The following APP variants were observed in gnomAD, a reference collection of about 807,000 sequenced individuals.
APP encodes the protein amyloid beta precursor protein, also known as amyloid-beta precursor protein.
APP carries 31 observed loss-of-function variants against 101.4 expected under a neutral mutation model. That is an observed-to-expected ratio of 0.31 (90% confidence interval 0.23 to 0.41). The LOEUF is 0.41. APP is among the 10% of genes least tolerant of loss of function. The pLI is 1.00. For synonymous variants in APP, 366 were observed against 364.4 expected (o/e 1.00, Z -0.05); for missense variants, 839 against 1,003.7 (o/e 0.84, Z 2.22).
At chr21:26,024,298 A>G (rs114351973) in intron 5 of APP, among the ~76,000 whole-genome samples, 3,330 of 152,118 alleles carry the variant, frequency 0.022, 112 homozygotes, top group African/African-American at 0.076. Flanking sequence ...CTGACATTAT[A>G]ATGTACCCAG....
At position 26,000,042 on chromosome 21, in the gene APP, A is replaced by G; in HGVS notation, c.1006T>C (p.Tyr336His). 6.2e-7 allele frequency: 1 copy of G among 1,614,024 alleles called. No homozygotes were observed. The highest frequency in any genetic ancestry group is 1.1e-5 in the South Asian group (1 of 91,080). Residue 336 changes from tyrosine (Y) to histidine (H), a missense_variant, in exon 7 of 18, where the codon TAC becomes CAC. Coordinates refer to ENST00000346798, the MANE Select transcript of APP (RefSeq NM_000484.4). Reference sequence around the variant, plus strand: ...GCGCTGCCACACACGGCCATGCAGTACTCTTCTGTGTCAAAGTTGTTCCGG... The same window carrying G: ...GCGCTGCCACACACGGCCATGCAGTGCTCTTCTGTGTCAAAGTTGTTCCGG... ...GNRNNFDTEE[Y>H]CMAVCGSAMS...
intron 8 of APP, among the ~76,000 whole-genome samples, chr21:25,992,149 G>A (rs2042890380): frequency 1.3e-5 from 2 of 152,196 alleles, no homozygotes; most frequent in South Asian, 2.1e-4. Flanking sequence ...TCGGGAGGCC[G>A]AAGCTGGTGG....
chr21:26,101,348 C>T (rs563705404), intron 2 of APP, among the ~76,000 whole-genome samples: 6 of 152,204 alleles, frequency 3.9e-5, no homozygotes, highest in South Asian at 2.1e-4. Context: ...CAGCCCGACT[C>T]GGCCTCCCAA....
intron 13 of APP, among the ~76,000 whole-genome samples, chr21:25,951,240 C>T (rs1243531107): frequency 6.6e-6 from 1 of 152,218 alleles, no homozygotes; most frequent in African/African-American, 2.4e-5. Context: ...CGATAGCATT[C>T]CTTCTTCTCA....
chr21:26,088,407 A>G (rs2061746922), intron 3 of APP, among the ~76,000 whole-genome samples: 1 of 152,220 alleles, frequency 6.6e-6, no homozygotes, highest in Middle Eastern at 3.2e-3. Flanking sequence ...CAGGAGCAAT[A>G]ATGCCCATCC....
chr21:26,022,408 A>AT lies in APP; in HGVS notation c.663-367dup, dbSNP rs750051344. ...AGAAACTACTCTGCACGATACTGTC[A>AT]TAAGTAATAATAGATACACAGCATT... On this transcript the variant is annotated intron_variant, in intron 5 of 17. Coordinates refer to ENST00000346798, the MANE Select transcript of APP (RefSeq NM_000484.4). Among the ~76,000 whole-genome samples the AT allele has an allele frequency of 9.2e-5, 14 of 152,294 alleles. 1 individual carries two copies. In the Middle Eastern group the frequency reaches 0.024, roughly 259 times the overall value.
At chr21:25,958,395 GTCTCCT>G (rs2041418733) in intron 11 of APP, among the ~76,000 whole-genome samples, 1 of 152,158 alleles carries the variant, frequency 6.6e-6, no homozygotes, top group African/African-American at 2.4e-5. Context: ...TCCTGCCTCA[GTCTCCT>G]GAGTAGCTGG....
At chr21:25,900,999 A>AC (rs1486600938) in intron 15 of APP, among the ~76,000 whole-genome samples, 22 of 146,510 alleles carry the variant, frequency 1.5e-4, no homozygotes, top group African/African-American at 5.7e-4. Flanking sequence ...AAAAAAAAAA[A>AC]AAAAAGAATG....
intron 13 of APP, chr21:25,934,040 G>A (rs943392634): frequency 6.6e-6 from 1 of 152,222 alleles, no homozygotes; most frequent in African/African-American, 2.4e-5. Context: ...TCACAATGGA[G>A]AAGGGTGGGC....
At chr21:25,930,270 A>G (rs2040083553) in intron 13 of APP, among the ~76,000 whole-genome samples, 1 of 152,212 alleles carries the variant, frequency 6.6e-6, no homozygotes, top group Non-Finnish European at 1.5e-5. Context: ...AGAGAAGTCT[A>G]TCTGACCGGG....
chr21:26,103,687 C>G (rs573414286), intron 2 of APP, among the ~76,000 whole-genome samples: 2 of 152,322 alleles, frequency 1.3e-5, no homozygotes, highest in East Asian at 1.9e-4. Context: ...TTATGGGAAG[C>G]TCTCTCAGCA....
intron 6 of APP, among the ~76,000 whole-genome samples, chr21:26,001,359 T>C (rs924593062): frequency 2.0e-5 from 3 of 152,120 alleles, no homozygotes; most frequent in Non-Finnish European, 2.9e-5. Flanking sequence ...ACAGCCCAAT[T>C]CTCTCTCTGG....
intron 13 of APP, among the ~76,000 whole-genome samples, chr21:25,950,979 T>C (rs1031006750): frequency 6.6e-6 from 1 of 152,218 alleles, no homozygotes; most frequent in Admixed American, 6.5e-5. Flanking sequence ...TACACATTGA[T>C]TGCAGGTTCA....
At chr21:26,016,117 GC>G (rs1335108716) in intron 6 of APP, among the ~76,000 whole-genome samples, 1 of 151,886 alleles carries the variant, frequency 6.6e-6, no homozygotes, top group African/African-American at 2.4e-5. Flanking sequence ...TGCAACCTCC[GC>G]ATCCCAGGTC....
At chr21:26,089,071 T>C (rs1278701210) in intron 3 of APP, among the ~76,000 whole-genome samples, 2 of 152,208 alleles carry the variant, frequency 1.3e-5, no homozygotes, top group Non-Finnish European at 1.5e-5. Flanking sequence ...TTTTAACCTT[T>C]ATAAGAAGTC....
At chr21:25,921,498 A>C (rs1481030200) in intron 13 of APP, among the ~76,000 whole-genome samples, 1 of 149,418 alleles carries the variant, frequency 6.7e-6, no homozygotes, top group African/African-American at 2.4e-5. Flanking sequence ...CTAATAAAGA[A>C]AAAGAGGAGA....
chr21:25,917,683 G>C (rs1298630864), intron 13 of APP, among the ~76,000 whole-genome samples: 1 of 152,174 alleles, frequency 6.6e-6, no homozygotes, highest in Non-Finnish European at 1.5e-5. Context: ...GTGGGTTGGA[G>C]AAGAACATTT....
chr21:25,891,090 C>T (rs896865380), intron 17 of APP, among the ~76,000 whole-genome samples: 5 of 152,138 alleles, frequency 3.3e-5, no homozygotes, highest in South Asian at 2.1e-4. Flanking sequence ...TTCTTTCTCT[C>T]TTTCTTGTTT....
chr21:26,100,518 A>G (rs1050692866), intron 2 of APP, among the ~76,000 whole-genome samples: 3 of 152,248 alleles, frequency 2.0e-5, no homozygotes, highest in Non-Finnish European at 4.4e-5. Context: ...GGTAAGATTA[A>G]AAAGACTACC....
Sources: gnomAD v4.1 joint callset for allele counts (sites outside exome capture counted in the v4.1 genomes callset) on GRCh38, gnomAD v4.1.1 for gene constraint, MANE v1.5 for transcripts, NCBI Gene and HGNC (gene_info 2026-07-23, HGNC 2026-07-21) for gene names.